Variants in LRBA observed in about 807,000 individuals in gnomAD.
LRBA encodes lipopolysaccharide-responsive and beige-like anchor protein.
In LRBA, 176 loss-of-function variants were observed where a neutral mutation model predicts 330.0. That is an observed-to-expected ratio of 0.53 (90% CI 0.47 to 0.60). The LOEUF is 0.60. LRBA is among the 20% of genes least tolerant of loss of function. The pLI is 0.00. For missense variants in LRBA, 3,259 were observed against 3,444.8 expected, an observed-to-expected ratio of 0.95 and a Z score of 1.35; for synonymous variants, 1,230 against 1,193.0, an observed-to-expected ratio of 1.03 and a Z score of -0.64.
At chr4:150,497,458 C>A (rs940227417) in intron 40 of LRBA, among the ~76,000 whole-genome samples, 2 of 152,034 alleles carry the variant, frequency 1.3e-5, no homozygotes, top group African/African-American at 4.8e-5. Context: ...CAAACTTCAA[C>A]AAACAACAAA....
intron 48 of LRBA, among the ~76,000 whole-genome samples, chr4:150,334,935 T>A (rs1734464586): frequency 6.6e-6 from 1 of 151,446 alleles, no homozygotes; most frequent in Non-Finnish European, 1.5e-5. Flanking sequence ...GTTCAAGTGA[T>A]TCTCCTGCCT....
intron 46 of LRBA, among the ~76,000 whole-genome samples, chr4:150,432,453 CTT>C (rs35393002): frequency 6.6e-3 from 648 of 98,314 alleles, no homozygotes; most frequent in African/African-American, 0.026. Flanking sequence ...TAAGTGTGTT[CTT>C]TTTTTTTTTT....
At chr4:150,697,325 G>GAAAAAAAA (rs60145657) in intron 36 of LRBA, among the ~76,000 whole-genome samples, 2,454 of 28,048 alleles carry the variant, frequency 0.087, 1,035 homozygotes, top group Non-Finnish European at 0.12. Flanking sequence ...CTTTGTCTCA[G>GAAAAAAAA]AAAAAAAAAA....
chr4:150,600,515 C>T (rs1331849050), intron 37 of LRBA, among the ~76,000 whole-genome samples: 1 of 151,942 alleles, frequency 6.6e-6, no homozygotes, highest in Admixed American at 6.6e-5. Context: ...CTTTTTAAAA[C>T]AGTAGAGACT....
At chr4:150,849,847 T>C (rs1417488155) in intron 24 of LRBA, among the ~76,000 whole-genome samples, 1 of 152,170 alleles carries the variant, frequency 6.6e-6, no homozygotes, top group African/African-American at 2.4e-5. Flanking sequence ...TTATCCTTAC[T>C]GGGAACAAAA....
chr4:150,321,476 A>T lies in LRBA; in HGVS notation c.7453-108T>A. On this transcript the variant is annotated intron_variant, in intron 49 of 56. Coordinates refer to ENST00000651943, the MANE Select transcript of LRBA (RefSeq NM_001364905.1). This position sits in a 1 kb window ranked among gnomAD's most constrained non-coding sequence, Gnocchi z 4.5. ...GGGGGTGCAGGAAAAGAAGAGGAAG[A>T]CCATATTAACATGAGTTGTAAGTGG... 2 of 891,252 alleles carry T rather than the reference A, an allele frequency of 2.2e-6. No individual in the cohort carries two copies. The highest frequency in any genetic ancestry group is 3.3e-6 in the Non-Finnish European group (2 of 605,792). 55.2% of individuals were successfully genotyped at this position (891,252 alleles called of 1,614,324 possible).
intron 2 of LRBA, among the ~76,000 whole-genome samples, chr4:150,941,309 C>A (rs574540098): frequency 6.6e-6 from 1 of 152,038 alleles, no homozygotes; most frequent in Non-Finnish European, 1.5e-5. Context: ...CCCACCAACA[C>A]GCCCAGCTAA....
chr4:151,008,071 G>GT (rs936466114), intron 2 of LRBA, among the ~76,000 whole-genome samples: 3 of 151,132 alleles, frequency 2.0e-5, no homozygotes, highest in Non-Finnish European at 4.4e-5. Flanking sequence ...AAAATGAGAA[G>GT]TTTTTTTCTT....
chr4:150,700,131 A>G (rs1381122222), intron 36 of LRBA, among the ~76,000 whole-genome samples: 1 of 152,222 alleles, frequency 6.6e-6, no homozygotes, highest in Non-Finnish European at 1.5e-5. Context: ...CATTCTGGAT[A>G]CGGGATACTC....
intron 2 of LRBA, among the ~76,000 whole-genome samples, chr4:150,969,379 G>A (rs980016948): frequency 1.3e-5 from 2 of 152,124 alleles, no homozygotes; most frequent in Non-Finnish European, 2.9e-5. Flanking sequence ...TTTGATTCAT[G>A]GGAGGAGGAG....
chr4:150,302,891 T>C (rs1473591744), intron 52 of LRBA, 99 bp from the exon 53 acceptor site: 2 of 763,578 alleles, frequency 2.6e-6, no homozygotes, highest in Non-Finnish European at 4.0e-6. Context: ...TGAACTCTGA[T>C]GGTCATAATT....
intron 44 of LRBA, among the ~76,000 whole-genome samples, chr4:150,465,504 T>G (rs1159015141): frequency 1.3e-5 from 2 of 152,164 alleles, no homozygotes; most frequent in African/African-American, 2.4e-5. Flanking sequence ...ATTTTCCACA[T>G]CCGTGCCAAC....
At chr4:150,911,281 G>C (rs1329690231) in intron 9 of LRBA, among the ~76,000 whole-genome samples, 1 of 152,116 alleles carries the variant, frequency 6.6e-6, no homozygotes, top group African/African-American at 2.4e-5. Context: ...AGGAAAAACT[G>C]TCAGTTTTTC....
intron 44 of LRBA, among the ~76,000 whole-genome samples, chr4:150,444,445 T>C (rs1581331933): frequency 6.6e-6 from 1 of 152,188 alleles, no homozygotes; most frequent in South Asian, 2.1e-4. Context: ...AACTATTTTC[T>C]TTCAACTGTA....
intron 40 of LRBA, among the ~76,000 whole-genome samples, chr4:150,505,483 G>A (rs1760930609): frequency 6.6e-6 from 1 of 152,122 alleles, no homozygotes; most frequent in Non-Finnish European, 1.5e-5. Context: ...AATGACTACT[G>A]GGTACATAAC....
At chr4:150,440,660 A>C (rs1370547855) in intron 44 of LRBA, among the ~76,000 whole-genome samples, 2 of 151,890 alleles carry the variant, frequency 1.3e-5, no homozygotes, top group Non-Finnish European at 2.9e-5. Flanking sequence ...TATAGTCCCA[A>C]CTACTTGGGA....
chr4:150,375,540 C>T (rs1741142509), intron 47 of LRBA, among the ~76,000 whole-genome samples: 1 of 151,942 alleles, frequency 6.6e-6, no homozygotes, highest in African/African-American at 2.4e-5. Context: ...TCACTGCAAA[C>T]TCCGCCTCCC....
At position 150,310,259 on chromosome 4, in the gene LRBA, T is replaced by G. The variant is rs188840237; in HGVS notation, c.7819A>C (p.Lys2607Gln). 168 of 1,612,738 alleles carry G rather than the reference T, an allele frequency of 1.0e-4. No homozygotes were observed. Among genetic ancestry groups the G allele is most frequent in the Non-Finnish European group, 7.6e-6 (9 of 1,178,952 alleles). ...RYILVCGFWD[K>Q]SFRVYSTDTG... ...TCTGTAGAATAGACTCTGAAACTTT[T>G]ATCCCAGAAGCCACAGACGAGAATA... Residue 2607 changes from lysine (K) to glutamine (Q), a missense_variant, in exon 52 of 57, where the codon AAA becomes CAA. Lys to Gln is a moderately conservative substitution (Grantham distance 53). Transcript: ENST00000651943.
intron 36 of LRBA, among the ~76,000 whole-genome samples, chr4:150,690,762 A>T (rs1189628678): frequency 6.6e-6 from 1 of 152,056 alleles, no homozygotes; most frequent in African/African-American, 2.4e-5. Context: ...ATATAAATCT[A>T]GAAGTTAAAA....
Sources: allele counts gnomAD v4.1 joint callset (sites outside exome capture counted in the v4.1 genomes callset), GRCh38; gene constraint gnomAD v4.1.1; non-coding constraint Gnocchi (gnomAD v3.1); transcripts MANE v1.5; gene names NCBI Gene and HGNC (gene_info 2026-07-23, HGNC 2026-07-21).